RTKN: variants seen among roughly 807,000 people sequenced by gnomAD.
RTKN encodes rhotekin.
A neutral mutation model predicts 63.5 loss-of-function variants in RTKN; 49 were observed. That is an observed-to-expected ratio of 0.77 (90% CI 0.61 to 0.98). RTKN has a LOEUF of 0.98. Among genes scored for constraint, RTKN ranks in the 50% least tolerant of loss-of-function variants. The probability of loss-of-function intolerance (pLI) is 0.00; values close to 1 mark genes in which losing one functional copy is unlikely to be tolerated. For synonymous variants in RTKN, 295 were observed against 290.4 expected (o/e 1.02, Z -0.16); for missense variants, 685 against 740.8 (o/e 0.92, Z 0.87).
In RTKN at chr2:74,441,897, T is replaced by C; in HGVS notation, c.-81A>G. ...GCCTCCTCTCCTCGGCTTCTGTCTC[T>C]CGACGCTCGTCCGCCAGTCCGGCCG... On this transcript the variant is annotated 5_prime_UTR_variant, in exon 1 of 12. Transcript: ENST00000272430. 1 of 807,866 alleles carries C rather than the reference T, an allele frequency of 1.2e-6. No individual in the cohort carries two copies. The highest frequency in any genetic ancestry group is 2.0e-6 in the Non-Finnish European group (1 of 499,076). 50.0% of individuals were successfully genotyped at this position (807,866 alleles called of 1,614,324 possible).
At chr2:74,429,094 TC>T (rs1670592271) in intron 6 of RTKN, 152 bp from the exon 7 acceptor site, 2 of 654,884 alleles carry the variant, frequency 3.1e-6, no homozygotes, top group South Asian at 1.8e-5. Flanking sequence ...TTTACCGAGC[TC>T]CAGCTAAGTG....
intron 1 of RTKN, among the ~76,000 whole-genome samples, chr2:74,441,121 A>G (rs907224410): frequency 6.6e-6 from 1 of 152,024 alleles, no homozygotes; most frequent in Non-Finnish European, 1.5e-5. Flanking sequence ...TAGGGGCTGG[A>G]CTCCTCTTAG....
Position 74,426,897 on chromosome 2 carries a change from A to G in RTKN, c.1360+272T>C. 3 of 1,360,304 alleles carry G rather than the reference A, an allele frequency of 2.2e-6. No individual in the cohort carries two copies. In the South Asian group the frequency reaches 5.9e-5, roughly 27 times the overall value. The allele number at this position is 1,360,304 out of a possible 1,614,324, so 84.3% of individuals were successfully genotyped here. A position where few individuals can be genotyped will look rare whatever the true frequency, so the allele number is the denominator to read the frequency against. ...GTCAGAAGAAGAGACAGGAATCCAC[A>G]TGCAGAAAGGGAAACAGAAAAGAAG... is the stretch of plus-strand genomic sequence containing the variant. On this transcript the variant is annotated intron_variant, in intron 11 of 11. Transcript: ENST00000272430.
chr2:74,440,273 G>T, intron 1 of RTKN: 1 of 814,908 alleles, frequency 1.2e-6, no homozygotes, highest in Non-Finnish European at 1.5e-6. Context: ...GGGTGAGTTG[G>T]CAAAGCAGCC....
rs1217356574 is a variant in RTKN, at chr2:74,428,727, A to C, written c.861T>G (p.Pro287=). 1 of 1,613,786 alleles carries C rather than the reference A, an allele frequency of 6.2e-7. No homozygotes were observed. Among genetic ancestry groups the C allele is most frequent in the Admixed American group, 1.7e-5 (1 of 59,978 alleles). The change falls in exon 8 of 12, where the codon CCT becomes CCG. Residue 287 remains proline, a synonymous_variant. Coordinates refer to ENST00000272430, the MANE Select transcript of RTKN (RefSeq NM_001015055.2). ...DLTLASHEEN[P]AWLPLYGSVC... is the part of the protein sequence containing the mutation. ...CGCTACCATAAAGGGGCAGCCAGGC[A>C]GGGTTCTCCTCTGGGGGAGGAGGAA...
In RTKN at chr2:74,439,523, G is replaced by C. The variant is rs761494828; in HGVS notation, c.111+2183C>G. ...TGGGGCTGGGATGCAAGTGAAGGAG[G>C]TGTGTACTCCAAGGGTCGGGGGATT... On this transcript the variant is annotated intron_variant, in intron 1 of 11. Transcript: ENST00000272430. 1.9e-6 allele frequency: 3 copies of C among 1,611,730 alleles called. No homozygotes were observed. The African/African-American group carries it at 4.0e-5, about 22-fold the overall frequency.
chr2:74,428,182 G>C (rs1670522325), intron 9 of RTKN, 86 bp downstream of exon 9: 1 of 1,577,792 alleles, frequency 6.3e-7, no homozygotes, highest in African/African-American at 1.3e-5. Context: ...CTATCTCTCT[G>C]AGGTATGTGC....
chr2:74,436,536 A>G lies in RTKN; in HGVS notation c.112-3870T>C, dbSNP rs956011113. Among the ~76,000 whole-genome samples, 2 of 151,760 alleles carry G rather than the reference A, an allele frequency of 1.3e-5. No homozygotes were observed. Among genetic ancestry groups the G allele is most frequent in the Non-Finnish European group, 2.9e-5 (2 of 67,980 alleles). On this transcript the variant is annotated intron_variant, in intron 1 of 11. Transcript: ENST00000272430. The surrounding 1 kb of genome is among the most constrained non-coding windows in gnomAD (Gnocchi z 4.3). Reference sequence around the variant, plus strand: ...CTGGAAAAGGCTCCTGGCCTTCACGACGTGCTCCAGCTCCGGGAGGCCCCT... The same window carrying G: ...CTGGAAAAGGCTCCTGGCCTTCACGGCGTGCTCCAGCTCCGGGAGGCCCCT...
intron 9 of RTKN, chr2:74,427,846 T>G (rs1252264293): frequency 1.9e-6 from 1 of 517,834 alleles, no homozygotes. Context: ...GACACAAAGG[T>G]AGGCAAGGAT....
rs1671267034 is a variant in RTKN at position 74,439,965 on chromosome 2, G to C, written c.111+1741C>G. ...AGTGTCCAGTCTCGCTTTGGTGGCA[G>C]CTGTTCTCCCAGCTGTGGAAGAAAA... is the stretch of plus-strand genomic sequence containing the variant. On this transcript the variant is annotated intron_variant, in intron 1 of 11. Coordinates refer to ENST00000272430, the MANE Select transcript of RTKN (RefSeq NM_001015055.2). 5.4e-6 allele frequency: 6 copies of C among 1,110,150 alleles called. No individual in the cohort carries two copies. In the South Asian group the frequency reaches 1.8e-4, roughly 34 times the overall value. 68.8% of individuals were successfully genotyped at this position (1,110,150 alleles called of 1,614,324 possible).
intron 1 of RTKN, among the ~76,000 whole-genome samples, chr2:74,438,422 C>A (rs1046104124): frequency 3.9e-5 from 6 of 152,128 alleles, no homozygotes; most frequent in Non-Finnish European, 8.8e-5. Context: ...TGGACATTTG[C>A]GAACTCTCTT....
chr2:74,426,132 G>T lies in RTKN; in HGVS notation c.*111C>A. The T allele has an allele frequency of 1.0e-6, 1 of 959,704 alleles. No homozygotes were observed. The highest frequency in any genetic ancestry group is 1.6e-6 in the Non-Finnish European group (1 of 624,384). 59.4% of individuals were successfully genotyped at this position (959,704 alleles called of 1,614,324 possible). A position where few individuals can be genotyped will look rare whatever the true frequency, so the allele number is the denominator to read the frequency against. On this transcript the variant is annotated 3_prime_UTR_variant, in exon 12 of 12. Transcript: ENST00000272430. ...GCAGCCTACCCCAGGTCCAGCAGAGGAACAGGAGGCCAGACTGGCCAACTT... is the reference window on the plus strand; with the variant it reads ...GCAGCCTACCCCAGGTCCAGCAGAGTAACAGGAGGCCAGACTGGCCAACTT...
At chr2:74,432,268 C>T (rs1254017849) in intron 2 of RTKN, 199 bp downstream of exon 2, 4 of 707,792 alleles carry the variant, frequency 5.7e-6, no homozygotes, top group Non-Finnish European at 1.0e-5. Context: ...TTTTCTAAGT[C>T]CTGCCCTGGC....
At position 74,437,109 on chromosome 2, in the gene RTKN, C is replaced by T. The variant is rs560185906; in HGVS notation, c.112-4443G>A. ...CCCTTTTTTCCCTTCAGAATCTCCACCAGGGCTAAGTACAAATCCTGGTTT... is the reference window on the plus strand; with the variant it reads ...CCCTTTTTTCCCTTCAGAATCTCCATCAGGGCTAAGTACAAATCCTGGTTT... On this transcript the variant is annotated intron_variant, in intron 1 of 11. Transcript: ENST00000272430. Among the ~76,000 whole-genome samples, 9 of 152,290 alleles carry T rather than the reference C, an allele frequency of 5.9e-5. No homozygotes were observed. The South Asian group carries it at 1.9e-3, about 32-fold the overall frequency.
rs534418762 is a variant in RTKN, at chr2:74,426,717, A to G, written c.1361-143T>C. On this transcript the variant is annotated intron_variant, in intron 11 of 11. Coordinates refer to ENST00000272430, the MANE Select transcript of RTKN (RefSeq NM_001015055.2). The stretch of plus-strand genomic sequence containing the variant: ...GGAGATTGCGTTATCCTGCAGGAGC[A>G]GCCCCTCACCTGGGCCCCCTGGGGC... 2.1e-4 allele frequency: 286 copies of G among 1,389,730 alleles called. 1 individual carries two copies. In the African/African-American group the frequency reaches 3.8e-3, roughly 18 times the overall value. The allele number at this position is 1,389,730 out of a possible 1,614,324, so 86.1% of individuals were successfully genotyped here.
At chr2:74,433,742 C>G (rs1309169661) in intron 1 of RTKN, among the ~76,000 whole-genome samples, 1 of 152,182 alleles carries the variant, frequency 6.6e-6, no homozygotes, top group African/African-American at 2.4e-5. Flanking sequence ...ATCCGCCCAC[C>G]TCGGCCTCCC....
At position 74,425,899 on chromosome 2, in the gene RTKN, T is replaced by G; in HGVS notation, c.*344A>C. The G allele has an allele frequency of 1.2e-6, 1 of 858,590 alleles. No individual in the cohort carries two copies. Among genetic ancestry groups the G allele is most frequent in the South Asian group, 1.7e-5 (1 of 57,494 alleles). 53.2% of individuals were successfully genotyped at this position (858,590 alleles called of 1,614,324 possible). On this transcript the variant is annotated 3_prime_UTR_variant, in exon 12 of 12. Transcript: ENST00000272430. ...GGTGAAGGCTGCTGTTAAATAACTT[T>G]AATGGTTGATGTGGGAGTCACAAGG...
rs892436226 is a variant in RTKN, at chr2:74,432,550, T to C, written c.228A>G (p.Leu76=). 3 of 1,614,014 alleles carry C rather than the reference T, an allele frequency of 1.9e-6. No individual in the cohort carries two copies. The highest frequency in any genetic ancestry group is 1.7e-6 in the Non-Finnish European group (2 of 1,180,020). ...EQALEATKSL[L]VCNSRILSYM... ...AGCTGAGGATGCGGCTGTTGCACAC[T>C]AGCAGGCTCTTGGTGGCCTCCAGAG... is the stretch of plus-strand genomic sequence containing the variant. The change falls in exon 2 of 12, where the codon CTA becomes CTG. Residue 76 remains leucine, a synonymous_variant. Coordinates refer to ENST00000272430, the MANE Select transcript of RTKN (RefSeq NM_001015055.2).
chr2:74,426,426 TG>T lies in RTKN; in HGVS notation c.1508del (p.Pro503GlnfsTer152). The T allele has an allele frequency of 6.2e-7, 1 of 1,611,908 alleles. No homozygotes were observed. On this transcript the variant is annotated frameshift_variant, in exon 12 of 12. Transcript: ENST00000272430. LOFTEE classifies it high-confidence loss of function. ...GCAGGGGGTGGGTCCAGTCTGGGGC[TG>T]GGGCCACTGAGGCAGGCGAGCAGGG... ...PNPCSPASVA[P>X]APDWTHPLPW...
Sources: gnomAD v4.1 joint callset for allele counts (sites outside exome capture counted in the v4.1 genomes callset) on GRCh38, gnomAD v4.1.1 for gene constraint, Gnocchi (gnomAD v3.1) non-coding constraint, MANE v1.5 for transcripts, NCBI Gene and HGNC (gene_info 2026-07-23, HGNC 2026-07-21) for gene names.